PCDHGB2: variants seen among roughly 807,000 people sequenced by gnomAD.
The protein encoded by PCDHGB2 is protocadherin gamma subfamily B, 2, also known as protocadherin gamma-B2.
A neutral mutation model predicts 59.3 loss-of-function variants in PCDHGB2; 55 were observed. The observed-to-expected ratio is 0.93, with a 90% CI of 0.75 to 1.16. The LOEUF (loss-of-function observed/expected upper bound fraction) is 1.16, where lower values mean the gene tolerates loss of function less well. PCDHGB2 is among the 50% of genes most tolerant of loss of function. PCDHGB2 has a pLI of 0.00. For synonymous variants in PCDHGB2, 516 were observed against 512.0 expected (o/e 1.01, Z -0.11); for missense variants, 1,228 against 1,198.5 (o/e 1.02, Z -0.36).
At chr5:141,364,954 C>T (rs765455076) in intron 1 of PCDHGB2, 17 of 1,613,940 alleles carry the variant, frequency 1.1e-5, no homozygotes, top group Admixed American at 1.0e-4. Flanking sequence ...AGACTGTTCA[C>T]GACCTCCTCC....
In PCDHGB2 at chr5:141,375,116, C is replaced by G. The variant is rs754682469; in HGVS notation, c.2421+12560C>G. On this transcript the variant is annotated intron_variant, in intron 1 of 3. Coordinates refer to ENST00000522605, the MANE Select transcript of PCDHGB2 (RefSeq NM_018923.3). ...TATCTTGGATGTCAATGATAATGTA[C>G]CAGAAGTGGTTGTTACATCTGGAAG... 4 of 1,613,768 alleles carry G rather than the reference C, an allele frequency of 2.5e-6. No individual in the cohort carries two copies. The highest frequency in any genetic ancestry group is 3.4e-6 in the Non-Finnish European group (4 of 1,179,904).
chr5:141,387,998 C>A, intron 1 of PCDHGB2: 1 of 1,485,206 alleles, frequency 6.7e-7, no homozygotes, highest in South Asian at 1.3e-5. Flanking sequence ...ACAGGATTCC[C>A]GAGGAAATGC....
chr5:141,384,337 G>A (rs370533196), intron 1 of PCDHGB2: 1 of 1,613,832 alleles, frequency 6.2e-7, no homozygotes, highest in Non-Finnish European at 8.5e-7. Flanking sequence ...ACAGGACCAC[G>A]ACAGTGAGGA....
At chr5:141,500,453 C>G (rs1403599390) in intron 2 of PCDHGB2, among the ~76,000 whole-genome samples, 1 of 152,246 alleles carries the variant, frequency 6.6e-6, no homozygotes, top group African/African-American at 2.4e-5. Flanking sequence ...TCGTGATCCG[C>G]CCGCCTCGGC....
At chr5:141,376,554 C>A in intron 1 of PCDHGB2, 1 of 1,611,072 alleles carries the variant, frequency 6.2e-7, no homozygotes, top group Non-Finnish European at 8.5e-7. Flanking sequence ...GATCTTCCCG[C>A]AACCCAACTA....
chr5:141,458,551 T>A (rs1019302178), intron 1 of PCDHGB2, among the ~76,000 whole-genome samples: 1 of 148,194 alleles, frequency 6.7e-6, no homozygotes, highest in Non-Finnish European at 1.5e-5. Flanking sequence ...TTTGTTTGTT[T>A]GTTTTGGTTT....
intron 1 of PCDHGB2, chr5:141,442,166 A>G (rs2098306007): frequency 6.4e-6 from 1 of 156,354 alleles, no homozygotes; most frequent in Non-Finnish European, 1.4e-5. Flanking sequence ...TCACTCTGCA[A>G]AGCTACAGCC....
Position 141,374,129 on chromosome 5 carries a change from C to T in PCDHGB2, c.2421+11573C>T. 4 of 1,603,566 alleles carry T rather than the reference C, an allele frequency of 2.5e-6. No individual in the cohort carries two copies. In the South Asian group the frequency reaches 4.4e-5, roughly 18 times the overall value. On this transcript the variant is annotated intron_variant, in intron 1 of 3. Transcript: ENST00000522605. ...TCCGCAGCGCAGCGAGCAGGTCCTG[C>T]TCCTCACGCTCCTGGGGACGCTGTG... is the stretch of plus-strand genomic sequence containing the variant.
At chr5:141,369,295 G>T (rs556803561) in intron 1 of PCDHGB2, among the ~76,000 whole-genome samples, 1 of 152,082 alleles carries the variant, frequency 6.6e-6, no homozygotes, top group African/African-American at 2.4e-5. Flanking sequence ...TCCTAATAAC[G>T]CATCATTGTT....
In PCDHGB2 at chr5:141,432,143, C is replaced by G; in HGVS notation, c.2422-62664C>G. 2 of 1,614,084 alleles carry G rather than the reference C, an allele frequency of 1.2e-6. No homozygotes were observed. Among genetic ancestry groups the G allele is most frequent in the Non-Finnish European group, 1.7e-6 (2 of 1,180,006 alleles). Reference sequence around the variant, plus strand: ...TCAGGCCTCCTATTCCGCTTATATCCCAGAGAACAATCCCAGAGGAGTTTC... The same window carrying G: ...TCAGGCCTCCTATTCCGCTTATATCGCAGAGAACAATCCCAGAGGAGTTTC... On this transcript the variant is annotated intron_variant, in intron 1 of 3. Coordinates refer to ENST00000522605, the MANE Select transcript of PCDHGB2 (RefSeq NM_018923.3). This position sits in a 1 kb window ranked among gnomAD's most constrained non-coding sequence, Gnocchi z 6.0.
chr5:141,402,867 C>T, intron 1 of PCDHGB2: 2 of 1,443,510 alleles, frequency 1.4e-6, no homozygotes, highest in Non-Finnish European at 1.8e-6. Context: ...AGGAAAAGAT[C>T]ACCATACTTT....
At chr5:141,459,287 G>A (rs1362981410) in intron 1 of PCDHGB2, among the ~76,000 whole-genome samples, 1 of 152,136 alleles carries the variant, frequency 6.6e-6, no homozygotes, top group African/African-American at 2.4e-5. Context: ...TCATCTAAAT[G>A]GAATCCTATA....
rs1264759473 is a variant in PCDHGB2 at position 141,486,183 on chromosome 5, G to A, written c.2422-8624G>A. On this transcript the variant is annotated intron_variant, in intron 1 of 3. Transcript: ENST00000522605. The surrounding 1 kb of genome is among the most constrained non-coding windows in gnomAD (Gnocchi z 5.0). The stretch of plus-strand genomic sequence containing the variant: ...GCCATGGAGCAACATTGCAGCCTTC[G>A]AGTGGATCTGCTGGACGTAAATGAC... 3 of 1,614,154 alleles carry A rather than the reference G, an allele frequency of 1.9e-6. No homozygotes were observed. The highest frequency in any genetic ancestry group is 1.1e-5 in the South Asian group (1 of 91,082).
At chr5:141,435,026 C>T (rs977017371) in intron 1 of PCDHGB2, among the ~76,000 whole-genome samples, 1 of 151,978 alleles carries the variant, frequency 6.6e-6, no homozygotes, top group Non-Finnish European at 1.5e-5. Flanking sequence ...GCTCTTTTCC[C>T]ACTTTTATTT....
chr5:141,366,389 C>G, intron 1 of PCDHGB2: 1 of 1,614,168 alleles, frequency 6.2e-7, no homozygotes. Flanking sequence ...CCCTGAGGAT[C>G]TGGACCTCAC....
At chr5:141,422,714 C>T (rs2096666670) in intron 1 of PCDHGB2, 1 of 1,603,720 alleles carries the variant, frequency 6.2e-7, no homozygotes, top group South Asian at 1.1e-5. Flanking sequence ...ACGGATGACA[C>T]TGTCCAGGGG....
Position 141,393,514 on chromosome 5 carries a change from A to T in PCDHGB2, c.2421+30958A>T, listed in dbSNP as rs72492419. 17 of 1,613,912 alleles carry T rather than the reference A, an allele frequency of 1.1e-5. No individual in the cohort carries two copies. In the East Asian group the frequency reaches 3.8e-4, roughly 36 times the overall value. Reference sequence around the variant, plus strand: ...GTGCGCATCCACGTGACAGTGTTGGATACAAATGACAATGCCCCGGTTTTT... The same window carrying T: ...GTGCGCATCCACGTGACAGTGTTGGTTACAAATGACAATGCCCCGGTTTTT... On this transcript the variant is annotated intron_variant, in intron 1 of 3. Coordinates refer to ENST00000522605, the MANE Select transcript of PCDHGB2 (RefSeq NM_018923.3).
At chr5:141,395,889 G>A (rs1375818306) in intron 1 of PCDHGB2, 3 of 151,948 alleles carry the variant, frequency 2.0e-5, no homozygotes, top group African/African-American at 4.8e-5. Flanking sequence ...GTGGTCACCT[G>A]GGCTCCATGC....
At chr5:141,423,264 C>G (rs1452323474) in intron 1 of PCDHGB2, 1 of 1,613,986 alleles carries the variant, frequency 6.2e-7, no homozygotes. Flanking sequence ...TCGGCAGCCT[C>G]GAGTCTCTGG....
Sources: gnomAD v4.1 joint callset for allele counts (sites outside exome capture counted in the v4.1 genomes callset) on GRCh38, gnomAD v4.1.1 for gene constraint, Gnocchi (gnomAD v3.1) non-coding constraint, MANE v1.5 for transcripts, NCBI Gene and HGNC (gene_info 2026-07-23, HGNC 2026-07-21) for gene names.